ARHGAP12: variants seen among roughly 807,000 people sequenced by gnomAD.
ARHGAP12 encodes rho GTPase-activating protein 12.
Under a neutral mutation model 108.6 loss-of-function variants are expected in ARHGAP12, and 64 were observed. The observed-to-expected ratio is 0.59, with a 90% confidence interval of 0.48 to 0.73. ARHGAP12 has a LOEUF of 0.73. ARHGAP12 is among the 30% of genes least tolerant of loss of function. The probability of loss-of-function intolerance (pLI) is 0.00; values close to 1 mark genes in which losing one functional copy is unlikely to be tolerated. For missense variants in ARHGAP12, 940 were observed against 1,005.9 expected, an observed-to-expected ratio of 0.93 and a Z score of 0.89; for synonymous variants, 312 against 337.2, an observed-to-expected ratio of 0.93 and a Z score of 0.82.
At chr10:31,864,526 T>C (rs1837250367) in intron 3 of ARHGAP12, among the ~76,000 whole-genome samples, 1 of 152,212 alleles carries the variant, frequency 6.6e-6, no homozygotes, top group South Asian at 2.1e-4. Flanking sequence ...TGGCATACAA[T>C]ATTCAGTACA....
At chr10:31,835,202 GA>G (rs952540519) in intron 9 of ARHGAP12, among the ~76,000 whole-genome samples, 686 of 59,790 alleles carry the variant, frequency 0.011, 6 homozygotes, top group African/African-American at 0.032. Flanking sequence ...CGTCTCAAAA[GA>G]AAAAAAAAAA....
At chr10:31,816,168 C>CGTGTGTGTGTGT (rs201754040) in intron 13 of ARHGAP12, among the ~76,000 whole-genome samples, 3,200 of 136,358 alleles carry the variant, frequency 0.023, 51 homozygotes, top group East Asian at 0.053. Context: ...AAGAAAGAAA[C>CGTGTGTGTGTGT]GTGTGTGTGT....
intron 1 of ARHGAP12, among the ~76,000 whole-genome samples, chr10:31,923,929 T>C (rs1283600850): frequency 6.6e-6 from 1 of 152,208 alleles, no homozygotes; most frequent in Non-Finnish European, 1.5e-5. Flanking sequence ...ATGTGCAGCT[T>C]GTTATACAGC....
At chr10:31,855,820 T>C (rs1421988956) in intron 4 of ARHGAP12, among the ~76,000 whole-genome samples, 1 of 152,198 alleles carries the variant, frequency 6.6e-6, no homozygotes, top group Non-Finnish European at 1.5e-5. Flanking sequence ...ACAGTAAATA[T>C]GATGTTCTAC....
In ARHGAP12 at chr10:31,843,560, TC is replaced by T; in HGVS notation, c.1196del (p.Arg399LysfsTer3). 6.2e-7 allele frequency: 1 copy of T among 1,609,172 alleles called. No homozygotes were observed. The highest frequency in any genetic ancestry group is 8.5e-7 in the Non-Finnish European group (1 of 1,178,610). On this transcript the variant is annotated frameshift_variant, in exon 7 of 20. Transcript: ENST00000344936. LOFTEE classifies it high-confidence loss of function. ...CCAGGCTCCTACTTTTAATTATTTCTCTTTGCTGCTGGGATGAAGCATTATA... is the reference window on the plus strand; with the variant it reads ...CCAGGCTCCTACTTTTAATTATTTCTTTTGCTGCTGGGATGAAGCATTATA... ...PKYNASSQQQ[R>X]EIIKSRSLDR...
At chr10:31,858,183 C>A (rs911844292) in intron 4 of ARHGAP12, among the ~76,000 whole-genome samples, 1 of 152,054 alleles carries the variant, frequency 6.6e-6, no homozygotes, top group African/African-American at 2.4e-5. Context: ...CCAGCCTGGG[C>A]AACAGAGCAA....
In ARHGAP12 at chr10:31,817,927, T is replaced by C. The variant is rs749738453; in HGVS notation, c.1633-41A>G. 2.7e-6 allele frequency: 4 copies of C among 1,482,964 alleles called. No homozygotes were observed. The African/African-American group carries it at 5.6e-5, about 21-fold the overall frequency. 91.9% of individuals were successfully genotyped at this position (1,482,964 alleles called of 1,614,324 possible). On this transcript the variant is annotated intron_variant, in intron 12 of 19. Transcript: ENST00000344936. ...GGGAGAAAAAAGAGTATGGTCAGTTTGTGCTTTCAGCAAAATACATGAATA... is the reference window on the plus strand; with the variant it reads ...GGGAGAAAAAAGAGTATGGTCAGTTCGTGCTTTCAGCAAAATACATGAATA...
At chr10:31,901,511 G>A (rs1289187697) in intron 3 of ARHGAP12, among the ~76,000 whole-genome samples, 6 of 139,710 alleles carry the variant, frequency 4.3e-5, no homozygotes, top group Admixed American at 4.3e-4. Context: ...CCAGGCTTGG[G>A]TGACAGAGCA....
Position 31,868,196 on chromosome 10 carries a change from T to TA in ARHGAP12, c.685-6539dup, listed in dbSNP as rs879326927. Among the ~76,000 whole-genome samples the TA allele has an allele frequency of 3.1e-3, 424 of 135,050 alleles. 2 individuals carry two copies. The highest frequency in any genetic ancestry group is 7.5e-3 in the Middle Eastern group (2 of 268). 88.6% of individuals were successfully genotyped at this position (135,050 alleles called of 152,430 possible). Reference sequence around the variant, plus strand: ...CTGGGTGACAGAGCAAGACTCCATCTAAAAAAAAAAAATCTGCATGATCTG... The same window carrying TA: ...CTGGGTGACAGAGCAAGACTCCATCTAAAAAAAAAAAAATCTGCATGATCTG... On this transcript the variant is annotated intron_variant, in intron 3 of 19. Coordinates refer to ENST00000344936, the MANE Select transcript of ARHGAP12 (RefSeq NM_018287.7).
intron 11 of ARHGAP12, among the ~76,000 whole-genome samples, chr10:31,820,711 ATTATAT>A (rs1342396691): frequency 1.5e-5 from 1 of 66,200 alleles, no homozygotes; most frequent in Non-Finnish European, 3.1e-5. Context: ...CTTCCATCAT[ATTATAT>A]ATATATATAT....
chr10:31,861,979 T>C (rs1054172135), intron 3 of ARHGAP12, among the ~76,000 whole-genome samples: 6 of 152,262 alleles, frequency 3.9e-5, no homozygotes, highest in Non-Finnish European at 8.8e-5. Context: ...ATCACTTTAC[T>C]TCTTTGAAAG....
chr10:31,922,976 A>C (rs1429601956), intron 1 of ARHGAP12, among the ~76,000 whole-genome samples: 3 of 152,010 alleles, frequency 2.0e-5, no homozygotes, highest in Non-Finnish European at 4.4e-5. Context: ...AAAAAAGTTT[A>C]CAAAATTAGC....
chr10:31,826,409 T>G (rs772104810), intron 10 of ARHGAP12, 24 bp from the exon 11 acceptor site: 5 of 1,588,742 alleles, frequency 3.1e-6, no homozygotes, highest in East Asian at 4.5e-5. Flanking sequence ...GATGACCGAT[T>G]AAAGCTCCAA....
intron 5 of ARHGAP12, among the ~76,000 whole-genome samples, chr10:31,853,035 A>G (rs925475870): frequency 6.6e-6 from 1 of 152,164 alleles, no homozygotes; most frequent in Non-Finnish European, 1.5e-5. Flanking sequence ...GCCGGCAACA[A>G]AAATTTCTAA....
chr10:31,807,726 G>T lies in ARHGAP12; in HGVS notation c.2473C>A (p.His825Asn). ...PEKETGNIAV[H>N]TVYQNQIVEL... ...ACAATCTGATTCTGGTACACAGTATGAACTGCTATATTACCAGTCTCTTTT... is the reference window on the plus strand; with the variant it reads ...ACAATCTGATTCTGGTACACAGTATTAACTGCTATATTACCAGTCTCTTTT... Residue 825 changes from histidine to asparagine, a missense_variant, in exon 20 of 20, where the codon CAT becomes AAT. Transcript: ENST00000344936. 1 of 1,609,906 alleles carries T rather than the reference G, an allele frequency of 6.2e-7. No homozygotes were observed. Among genetic ancestry groups the T allele is most frequent in the Non-Finnish European group, 8.5e-7 (1 of 1,178,438 alleles).
At chr10:31,854,670 G>C (rs1304005593) in intron 4 of ARHGAP12, among the ~76,000 whole-genome samples, 1 of 151,986 alleles carries the variant, frequency 6.6e-6, no homozygotes, top group Non-Finnish European at 1.5e-5. Context: ...ATATATCTCA[G>C]ACTATTTTTC....
Position 31,820,501 on chromosome 10 carries a change from A to G in ARHGAP12, c.1531-13T>C, listed in dbSNP as rs144395536. 282 of 1,550,522 alleles carry G rather than the reference A, an allele frequency of 1.8e-4. 1 individual carries two copies. The East Asian group carries it at 5.9e-3, about 32-fold the overall frequency. On this transcript the variant is annotated splice_polypyrimidine_tract_variant and intron_variant, in intron 11 of 19. Transcript: ENST00000344936. Reference sequence around the variant, plus strand: ...GATTACTGCCAAACTTCATTTTTGAAAAAGAAAAAAAACCTTCATGTGATA... The same window carrying G: ...GATTACTGCCAAACTTCATTTTTGAGAAAGAAAAAAAACCTTCATGTGATA...
intron 1 of ARHGAP12, among the ~76,000 whole-genome samples, chr10:31,917,836 G>T (rs976478638): frequency 1.3e-5 from 2 of 152,158 alleles, no homozygotes; most frequent in African/African-American, 4.8e-5. Context: ...CAAGAGTCAT[G>T]GTGGGCAAAG....
chr10:31,920,186 C>G (rs1429864781), intron 1 of ARHGAP12, among the ~76,000 whole-genome samples: 1 of 151,502 alleles, frequency 6.6e-6, no homozygotes, highest in Non-Finnish European at 1.5e-5. Context: ...GGCGCAGTGG[C>G]TCACACCTGT....
Sources: allele counts gnomAD v4.1 joint callset (sites outside exome capture counted in the v4.1 genomes callset), GRCh38; gene constraint gnomAD v4.1.1; transcripts MANE v1.5; gene names NCBI Gene and HGNC (gene_info 2026-07-23, HGNC 2026-07-21).